The following KLRC3 variants were observed in gnomAD, a reference collection of about 807,000 sequenced individuals.
KLRC3 encodes the protein killer cell lectin like receptor C3.
In KLRC3, 16 loss-of-function variants were observed where a neutral mutation model predicts 23.6. That is an observed-to-expected ratio of 0.68 (90% CI 0.46 to 1.03). The LOEUF (loss-of-function observed/expected upper bound fraction) is 1.03, where lower values mean the gene tolerates loss of function less well. KLRC3 is among the 50% of genes least tolerant of loss of function. KLRC3 has a pLI of 0.00. For missense variants in KLRC3, 209 were observed against 232.2 expected, an observed-to-expected ratio of 0.90 and a Z score of 0.65; for synonymous variants, 70 against 71.8, an observed-to-expected ratio of 0.98 and a Z score of 0.13.
At position 10,416,717 on chromosome 12, in the gene KLRC3, G is replaced by A; in HGVS notation, c.537C>T (p.Asn179=). The A allele has an allele frequency of 6.2e-7, 1 of 1,610,878 alleles. No individual in the cohort carries two copies. The highest frequency in any genetic ancestry group is 8.5e-7 in the Non-Finnish European group (1 of 1,178,456). The stretch of plus-strand genomic sequence containing the variant: ...TTGTCACCCATGGATGATGACTGCT[G>A]TTACGAAACACACCAATCCATGAGG... ...LPSSWIGVFR[N]SSHHPWVTIN... is the part of the protein sequence containing the mutation. The change falls in exon 5 of 7, where the codon AAC becomes AAT. Residue 179 remains asparagine, a synonymous_variant. Transcript: ENST00000396439.
intron 4 of KLRC3, among the ~76,000 whole-genome samples, chr12:10,418,084 C>A (rs1863670778): frequency 6.6e-6 from 1 of 151,896 alleles, no homozygotes; most frequent in African/African-American, 2.4e-5. Context: ...ATATCATGCT[C>A]AATAAAATTA....
chr12:10,412,497 T>C lies in KLRC3; in HGVS notation c.*75A>G. The C allele has an allele frequency of 1.4e-6, 1 of 700,716 alleles. No individual in the cohort carries two copies. Among genetic ancestry groups the C allele is most frequent in the South Asian group, 1.5e-5 (1 of 67,430 alleles). 43.4% of individuals were successfully genotyped at this position (700,716 alleles called of 1,614,324 possible). On this transcript the variant is annotated 3_prime_UTR_variant, in exon 7 of 7. Transcript: ENST00000396439. Reference sequence around the variant, plus strand: ...TTTAAAACACAAGCTAAATGGTACATGAGCACTCAGGGGCGGTGGCTTGTG... The same window carrying C: ...TTTAAAACACAAGCTAAATGGTACACGAGCACTCAGGGGCGGTGGCTTGTG...
chr12:10,420,283 A>G, intron 1 of KLRC3, 81 bp downstream of exon 1: 1 of 1,420,784 alleles, frequency 7.0e-7, no homozygotes, highest in Non-Finnish European at 9.7e-7. Context: ...AGTGTAAAAT[A>G]TTCCCTAATC....
intron 6 of KLRC3, among the ~76,000 whole-genome samples, chr12:10,415,121 T>C (rs1034412554): frequency 1.3e-5 from 2 of 152,164 alleles, no homozygotes; most frequent in African/African-American, 4.8e-5. Flanking sequence ...AAAATTACTT[T>C]AGAGATTAAA....
intron 6 of KLRC3, 89 bp from the exon 7 acceptor site, chr12:10,412,705 C>T (rs1565501565): frequency 4.5e-6 from 3 of 665,830 alleles, no homozygotes; most frequent in Non-Finnish European, 8.0e-6. Context: ...TCGCTTGAGC[C>T]TTGGAGGTGA....
chr12:10,416,539 T>C (rs1863646453), intron 5 of KLRC3, 128 bp downstream of exon 5: 1 of 1,175,318 alleles, frequency 8.5e-7, no homozygotes, highest in Non-Finnish European at 1.2e-6. Flanking sequence ...TGTAAAATAT[T>C]TGTATCAACA....
chr12:10,416,400 C>G (rs1863643561), intron 5 of KLRC3, among the ~76,000 whole-genome samples: 1 of 152,148 alleles, frequency 6.6e-6, no homozygotes, highest in South Asian at 2.1e-4. Context: ...TTATGTGTGG[C>G]CCAAGACTCT....
At chr12:10,414,701 G>A (rs1320528428) in intron 6 of KLRC3, among the ~76,000 whole-genome samples, 3 of 150,420 alleles carry the variant, frequency 2.0e-5, no homozygotes, top group Non-Finnish European at 4.4e-5. Flanking sequence ...CATGGCACAT[G>A]TATACATATG....
At chr12:10,417,061 C>T (rs540876457) in intron 4 of KLRC3, among the ~76,000 whole-genome samples, 5 of 151,980 alleles carry the variant, frequency 3.3e-5, no homozygotes, top group African/African-American at 1.2e-4. Flanking sequence ...GATACTGTGA[C>T]TAAATCAATC....
At chr12:10,419,284 T>G (rs539647448) in intron 2 of KLRC3, among the ~76,000 whole-genome samples, 196 bp from the exon 3 acceptor site, 1 of 39,148 alleles carries the variant, frequency 2.6e-5, no homozygotes, top group South Asian at 9.7e-4. Flanking sequence ...AGCACAAAAC[T>G]TCACCATCTC....
chr12:10,415,876 G>A, intron 5 of KLRC3, 82 bp from the exon 6 acceptor site: 2 of 991,764 alleles, frequency 2.0e-6, no homozygotes, highest in South Asian at 1.4e-5. Flanking sequence ...TGTACTGTAA[G>A]AAAATAATTT....
intron 6 of KLRC3, among the ~76,000 whole-genome samples, chr12:10,414,038 C>T (rs1416469155): frequency 6.6e-6 from 1 of 152,054 alleles, no homozygotes; most frequent in African/African-American, 2.4e-5. Flanking sequence ...CCCAAGATAG[C>T]CTTGAGACCA....
In KLRC3 at chr12:10,412,533, C is replaced by T. The variant is rs1863589973; in HGVS notation, c.*39G>A. The stretch of plus-strand genomic sequence containing the variant: ...GGGCGGTGGCTTGTGTCAGTAATCC[C>T]AGCAACTTGGGAGGCCAAGATGTGT... On this transcript the variant is annotated 3_prime_UTR_variant, in exon 7 of 7. Coordinates refer to ENST00000396439, the MANE Select transcript of KLRC3 (RefSeq NM_002261.3). The T allele has an allele frequency of 7.1e-6, 5 of 701,806 alleles. No individual in the cohort carries two copies. Among genetic ancestry groups the T allele is most frequent in the South Asian group, 1.5e-5 (1 of 67,566 alleles). The allele number at this position is 701,806 out of a possible 1,614,324, so 43.5% of individuals were successfully genotyped here.
rs1199133377 is a variant in KLRC3 at position 10,417,700 on chromosome 12, A to AGGGCATGAGACTCACTTCCCCATCTAG, written c.486+617_486+643dup. Among the ~76,000 whole-genome samples, 11 of 152,206 alleles carry AGGGCATGAGACTCACTTCCCCATCTAG rather than the reference A, an allele frequency of 7.2e-5. 1 individual carries two copies. The highest frequency in any genetic ancestry group is 1.0e-4 in the Non-Finnish European group (7 of 68,040). ...CCATCCAGGGTCCTCTTTGCCCCTG[A>AGGGCATGAGACTCACTTCCCCATCTAG]GGGCATGAGACTCACTTCCCCATCT... On this transcript the variant is annotated intron_variant, in intron 4 of 6. Coordinates refer to ENST00000396439, the MANE Select transcript of KLRC3 (RefSeq NM_002261.3).
intron 6 of KLRC3, 132 bp downstream of exon 6, chr12:10,415,572 T>G (rs1346821862): frequency 5.1e-6 from 7 of 1,378,808 alleles, no homozygotes; most frequent in Non-Finnish European, 6.9e-6. Context: ...GGAATTTTCT[T>G]ATTATTAGAG....
At chr12:10,415,584 A>T (rs1268261313) in intron 6 of KLRC3, 120 bp downstream of exon 6, 1 of 1,458,686 alleles carries the variant, frequency 6.9e-7, no homozygotes, top group Non-Finnish European at 9.3e-7. Flanking sequence ...TTATTAGAGC[A>T]AATAACACAA....
chr12:10,417,793 T>C (rs907618039), intron 4 of KLRC3, among the ~76,000 whole-genome samples: 1 of 152,162 alleles, frequency 6.6e-6, no homozygotes, highest in Non-Finnish European at 1.5e-5. Context: ...AGTAACAAAC[T>C]ACAGATAACC....
intron 4 of KLRC3, 90 bp from the exon 5 acceptor site, chr12:10,416,857 T>G: frequency 8.8e-7 from 1 of 1,136,690 alleles, no homozygotes; most frequent in Non-Finnish European, 1.2e-6. Flanking sequence ...CTATTTGCAG[T>G]GCCAAAAACT....
chr12:10,415,753 A>G lies in KLRC3; in HGVS notation c.629T>C (p.Leu210Pro). ...SDHAERNCAMLHVRGLISDQC... is the reference protein window; with the variant it reads ...SDHAERNCAMPHVRGLISDQC... ...GTCTGATATAAGTCCACGTACATGT[A>G]GCATTGCACAGTTACGTTCAGCATG... Residue 210 changes from leucine (L) to proline (P), a missense_variant, in exon 6 of 7, where the codon CTA (leucine) becomes CCA (proline). By Grantham distance (98) the Leu-to-Pro change is moderately conservative. Coordinates refer to ENST00000396439, the MANE Select transcript of KLRC3 (RefSeq NM_002261.3). The G allele has an allele frequency of 1.9e-6, 3 of 1,612,986 alleles. No individual in the cohort carries two copies. Among genetic ancestry groups the G allele is most frequent in the Non-Finnish European group, 2.5e-6 (3 of 1,179,442 alleles).
Sources: allele counts gnomAD v4.1 joint callset (sites outside exome capture counted in the v4.1 genomes callset), GRCh38; gene constraint gnomAD v4.1.1; transcripts MANE v1.5; gene names NCBI Gene and HGNC (gene_info 2026-07-23, HGNC 2026-07-21).